Variants in PRDM2 observed in about 807,000 individuals in gnomAD.
PRDM2 encodes PR/SET domain 2.
In PRDM2, 30 loss-of-function variants were observed where a neutral mutation model predicts 130.0. The ratio of observed to expected loss-of-function variants is 0.23; its 90% CI spans 0.17 to 0.31. The LOEUF (loss-of-function observed/expected upper bound fraction) is 0.31. Among genes scored for constraint, PRDM2 ranks in the 10% least tolerant of loss-of-function variants. The pLI is 1.00. For missense variants in PRDM2, 2,011 were observed against 2,108.4 expected (o/e 0.95, Z 0.90); for synonymous variants, 871 against 782.4 (o/e 1.11, Z -1.89).
rs144700066 is a variant in PRDM2, at chr1:13,803,551, CA to C, written c.5037-12874del. Among the ~76,000 whole-genome samples, 2,339 of 152,270 alleles carry C rather than the reference CA, an allele frequency of 0.015. 63 individuals carry two copies. The highest frequency in any genetic ancestry group is 0.054 in the African/African-American group (2,245 of 41,544). On this transcript the variant is annotated intron_variant, in intron 8 of 9. Transcript: ENST00000311066. This position sits in a 1 kb window ranked among gnomAD's most constrained non-coding sequence, Gnocchi z 6.2. The stretch of plus-strand genomic sequence containing the variant: ...CCTAGTCCTGTCTCCTCACTGCTCC[CA>C]AGAACAACCTGGAGTATGACTGTGA...
chr1:13,782,343 G>T lies in PRDM2; in HGVS notation c.4548G>T (p.Arg1516=). Residue 1516 remains arginine, a synonymous_variant, in exon 8 of 10, where the codon CGG becomes CGT. Transcript: ENST00000311066. ...DKNSNSNHRR[R]TADAEIKMQS... ...ACAGTAACAGCAACCACCGCAGACG[G>T]ACAGCGGATGCGGAGATTAAAATGC... 6.2e-7 allele frequency: 1 copy of T among 1,613,992 alleles called. No individual in the cohort carries two copies. Among genetic ancestry groups the T allele is most frequent in the East Asian group, 2.2e-5 (1 of 44,868 alleles).
chr1:13,819,255 A>G (rs534597443), intron 9 of PRDM2, among the ~76,000 whole-genome samples: 27 of 152,332 alleles, frequency 1.8e-4, no homozygotes, highest in Non-Finnish European at 3.2e-4. Flanking sequence ...ACGAAGATGA[A>G]ATGTATGTAG....
chr1:13,727,688 GT>G (rs1553154582), intron 2 of PRDM2, among the ~76,000 whole-genome samples: 1 of 152,186 alleles, frequency 6.6e-6, no homozygotes, highest in Non-Finnish European at 1.5e-5. Context: ...GAGTGATGCC[GT>G]GTTGAGGCAA....
At chr1:13,749,643 C>T (rs1459772290) in intron 6 of PRDM2, among the ~76,000 whole-genome samples, 156 bp downstream of exon 6, 10 of 149,486 alleles carry the variant, frequency 6.7e-5, no homozygotes, top group Non-Finnish European at 1.3e-4. Context: ...GGACTCGGCC[C>T]TGCCCCGGCC....
At chr1:13,786,668 G>C in intron 8 of PRDM2, 1 of 1,523,450 alleles carries the variant, frequency 6.6e-7, no homozygotes, top group African/African-American at 1.4e-5. Flanking sequence ...CTAACATTCA[G>C]CTGATTGCCG....
rs138224148 is a variant in PRDM2 at position 13,703,272 on chromosome 1, T to C, written c.-66+2972T>C. ...TTGTGGAGGACGATCCTGTACACTG[T>C]AGGATGTTCAGCAGCATCCCTGTCC... is the stretch of plus-strand genomic sequence containing the variant. On this transcript the variant is annotated intron_variant, in intron 1 of 9. Transcript: ENST00000311066. Among the ~76,000 whole-genome samples, 136 of 152,308 alleles carry C rather than the reference T, an allele frequency of 8.9e-4. 1 individual carries two copies. The East Asian group carries it at 0.017, about 19-fold the overall frequency.
intron 8 of PRDM2, among the ~76,000 whole-genome samples, chr1:13,808,802 G>A (rs1459088016): frequency 6.6e-6 from 1 of 152,174 alleles, no homozygotes; most frequent in East Asian, 1.9e-4. Context: ...CGGCCCCCTG[G>A]GGAGACCTGC....
intron 6 of PRDM2, among the ~76,000 whole-genome samples, chr1:13,767,374 C>G (rs1269316137): frequency 2.6e-5 from 4 of 151,934 alleles, no homozygotes; most frequent in Non-Finnish European, 4.4e-5. Flanking sequence ...TCACTGCAGC[C>G]ATGACCTTCT....
At chr1:13,713,788 TAGTC>T (rs1021854273) in intron 1 of PRDM2, among the ~76,000 whole-genome samples, 33 of 152,260 alleles carry the variant, frequency 2.2e-4, no homozygotes, top group African/African-American at 7.2e-4. Context: ...AACTGGATAG[TAGTC>T]AGTAGGCGTT....
chr1:13,706,823 C>G (rs1166408111), intron 1 of PRDM2, among the ~76,000 whole-genome samples: 1 of 151,748 alleles, frequency 6.6e-6, no homozygotes, highest in Non-Finnish European at 1.5e-5. Context: ...GTTTTAAGGG[C>G]CTCTTAAACT....
In PRDM2 at chr1:13,779,473, A is replaced by G; in HGVS notation, c.1678A>G (p.Ser560Gly). The G allele has an allele frequency of 3.1e-6, 5 of 1,614,178 alleles. No individual in the cohort carries two copies. The South Asian group carries it at 3.3e-5, about 11-fold the overall frequency. ...TGATGTGTACATCATGGACATTTCT[A>G]GCAATATCTCTGAAAACTTAAATTA... ...ADDVYIMDIS[S>G]NISENLNYYI... is the part of the protein sequence containing the mutation. The change falls in exon 8 of 10, where the codon AGC becomes GGC. Residue 560 changes from serine (S) to glycine (G), a missense_variant. Physicochemically the swap from Ser to Gly is moderately conservative, Grantham distance 56. Transcript: ENST00000311066. The surrounding 1 kb of genome is among the most constrained non-coding windows in gnomAD (Gnocchi z 4.9).
At chr1:13,811,200 G>T (rs1317461934) in intron 8 of PRDM2, among the ~76,000 whole-genome samples, 2 of 152,010 alleles carry the variant, frequency 1.3e-5, no homozygotes, top group Non-Finnish European at 2.9e-5. Flanking sequence ...AAAAAAAAGA[G>T]TTTACAGATC....
intron 7 of PRDM2, among the ~76,000 whole-genome samples, chr1:13,777,040 A>C (rs1474211041): frequency 1.3e-5 from 2 of 152,172 alleles, no homozygotes; most frequent in Non-Finnish European, 2.9e-5. Flanking sequence ...AAACTTTAGC[A>C]CGTCTGAAGT....
chr1:13,732,254 A>G (rs763089495), intron 3 of PRDM2, among the ~76,000 whole-genome samples: 171 of 152,344 alleles, frequency 1.1e-3, no homozygotes, highest in Non-Finnish European at 1.7e-3. Context: ...CTAAGTTTTC[A>G]GGAAGCTTAG....
At chr1:13,764,930 A>G (rs1644187124) in intron 6 of PRDM2, among the ~76,000 whole-genome samples, 1 of 152,266 alleles carries the variant, frequency 6.6e-6, no homozygotes, top group African/African-American at 2.4e-5. Context: ...CGAGCTTAAC[A>G]GAATTTTTTA....
Position 13,779,260 on chromosome 1 carries a change from A to G in PRDM2, c.1465A>G (p.Lys489Glu), listed in dbSNP as rs1201358882. ...AGAACTTCATCCGTGCAAATATTGT[A>G]AAAAGGTTTTTGGAACTCATACTAA... The part of the protein sequence containing the change: ...VKELHPCKYC[K>E]KVFGTHTNMR... Residue 489 changes from lysine (K) to glutamate (E), a missense_variant, in exon 8 of 10, where the codon AAA (lysine) becomes GAA (glutamate). Lys to Glu is a moderately conservative substitution (Grantham distance 56). This residue lies in a region of PRDM2 where 1,288 missense variants were observed against 1,237.7 expected (regional missense o/e 1.04). Transcript: ENST00000311066. The surrounding 1 kb of genome is among the most constrained non-coding windows in gnomAD (Gnocchi z 4.9). 1.2e-6 allele frequency: 2 copies of G among 1,614,048 alleles called. No individual in the cohort carries two copies. The highest frequency in any genetic ancestry group is 1.1e-5 in the South Asian group (1 of 91,080).
chr1:13,706,112 G>C (rs760820734), intron 1 of PRDM2, among the ~76,000 whole-genome samples: 36 of 151,770 alleles, frequency 2.4e-4, no homozygotes, highest in Non-Finnish European at 4.6e-4. Flanking sequence ...CCAATTTTGG[G>C]ACTCATCTTT....
At position 13,819,053 on chromosome 1, in the gene PRDM2, G is replaced by A. The variant is rs1645305057; in HGVS notation, c.*23+2483G>A. 2.0e-5 allele frequency among the ~76,000 whole-genome samples: 3 copies of A among 152,190 alleles called. No individual in the cohort carries two copies. The South Asian group carries it at 6.2e-4, about 32-fold the overall frequency. ...GCCAGGATGAACAATTCCGACTCTG[G>A]GAACCATTTGTGTCCAGCATCCTCC... is the stretch of plus-strand genomic sequence containing the variant. On this transcript the variant is annotated intron_variant, in intron 9 of 9. Transcript: ENST00000311066.
chr1:13,709,482 T>C lies in PRDM2; in HGVS notation c.-65-6059T>C, dbSNP rs541625619. ...GACATTTTTATTATTTTTCTAGAAG[T>C]TTCAGGATTGCAAGAATCTTTTGGT... On this transcript the variant is annotated intron_variant, in intron 1 of 9. Coordinates refer to ENST00000311066, the MANE Select transcript of PRDM2 (RefSeq NM_001393986.1). Among the ~76,000 whole-genome samples, 7 of 152,300 alleles carry C rather than the reference T, an allele frequency of 4.6e-5. No homozygotes were observed. In the South Asian group the frequency reaches 1.4e-3, roughly 32 times the overall value.
Sources: allele counts gnomAD v4.1 joint callset (sites outside exome capture counted in the v4.1 genomes callset), GRCh38; gene constraint gnomAD v4.1.1; regional missense constraint gnomAD v4.1.1; non-coding constraint Gnocchi (gnomAD v3.1); transcripts MANE v1.5; gene names NCBI Gene and HGNC (gene_info 2026-07-23, HGNC 2026-07-21).